The following ATRNL1 variants were observed in gnomAD, a reference collection of about 807,000 sequenced individuals.
The protein encoded by ATRNL1 is attractin like 1, also known as attractin-like protein 1.
In ATRNL1, 95 loss-of-function variants were observed where a neutral mutation model predicts 182.7. The observed-to-expected ratio is 0.52, with a 90% CI of 0.44 to 0.62. The LOEUF is 0.62. ATRNL1 is among the 20% of genes least tolerant of loss of function. The pLI is 0.00. For missense variants in ATRNL1, 1,471 were observed against 1,679.5 expected, an observed-to-expected ratio of 0.88 and a Z score of 2.17; for synonymous variants, 576 against 568.3, an observed-to-expected ratio of 1.01 and a Z score of -0.19.
At chr10:115,104,946 G>T (rs1843936823) in intron 1 of ATRNL1, among the ~76,000 whole-genome samples, 1 of 151,302 alleles carries the variant, frequency 6.6e-6, no homozygotes, top group Admixed American at 6.6e-5. Flanking sequence ...ATGCTGCTTT[G>T]GTTACTATAG....
At chr10:115,901,126 C>T (rs1952339007) in intron 28 of ATRNL1, among the ~76,000 whole-genome samples, 1 of 152,166 alleles carries the variant, frequency 6.6e-6, no homozygotes, top group Non-Finnish European at 1.5e-5. Flanking sequence ...ATATTAATGT[C>T]ATCATTCTCT....
intron 26 of ATRNL1, among the ~76,000 whole-genome samples, chr10:115,615,471 T>C (rs1592951108): frequency 6.6e-6 from 1 of 152,262 alleles, no homozygotes; most frequent in Admixed American, 6.5e-5. Flanking sequence ...GTGTACAGTT[T>C]CTGTTGAGAA....
intron 5 of ATRNL1, among the ~76,000 whole-genome samples, chr10:115,144,549 G>T (rs1043906792): frequency 6.6e-6 from 1 of 152,016 alleles, no homozygotes; most frequent in East Asian, 1.9e-4. Flanking sequence ...CGCCTTAGCC[G>T]CCCAAAATGC....
At chr10:115,340,656 C>T (rs1385890901) in intron 19 of ATRNL1, among the ~76,000 whole-genome samples, 1 of 151,458 alleles carries the variant, frequency 6.6e-6, no homozygotes, top group South Asian at 2.1e-4. Flanking sequence ...CCATCAGACC[C>T]CAGGCTTTTC....
intron 21 of ATRNL1, among the ~76,000 whole-genome samples, chr10:115,461,024 T>C (rs1340593245): frequency 6.6e-6 from 1 of 152,080 alleles, no homozygotes; most frequent in Non-Finnish European, 1.5e-5. Flanking sequence ...ATATATAGGT[T>C]GAATCTTATA....
chr10:115,387,076 A>T (rs1858402619), intron 19 of ATRNL1, among the ~76,000 whole-genome samples: 1 of 142,906 alleles, frequency 7.0e-6, no homozygotes, highest in Non-Finnish European at 1.6e-5. Context: ...ACCATGGAAT[A>T]CTATGAAGCC....
chr10:115,943,780 G>A (rs1307681051), intron 28 of ATRNL1, among the ~76,000 whole-genome samples: 1 of 152,102 alleles, frequency 6.6e-6, no homozygotes, highest in East Asian at 1.9e-4. Context: ...GGACAATCAA[G>A]ATGTCCTTCA....
At chr10:115,404,448 T>C (rs1477594613) in intron 20 of ATRNL1, among the ~76,000 whole-genome samples, 1 of 152,180 alleles carries the variant, frequency 6.6e-6, no homozygotes, top group African/African-American at 2.4e-5. Flanking sequence ...GAGAGGAAGA[T>C]GAGGATCTGA....
At chr10:115,294,027 G>A (rs1470551485) in intron 15 of ATRNL1, among the ~76,000 whole-genome samples, 4 of 152,206 alleles carry the variant, frequency 2.6e-5, no homozygotes, top group Admixed American at 2.6e-4. Flanking sequence ...AAGTTTTCAA[G>A]TGATTTATTA....
chr10:115,109,692 C>A (rs1384586350), intron 1 of ATRNL1, among the ~76,000 whole-genome samples: 1 of 152,246 alleles, frequency 6.6e-6, no homozygotes, highest in East Asian at 1.9e-4. Context: ...TTTGCAATAT[C>A]TCTTTCCTCC....
chr10:115,573,144 A>T (rs1854503992), intron 26 of ATRNL1, among the ~76,000 whole-genome samples: 1 of 152,144 alleles, frequency 6.6e-6, no homozygotes, highest in Admixed American at 6.5e-5. Context: ...ATTGGATCAC[A>T]TGTGGGCTCA....
chr10:115,122,772 A>G (rs1233364713), intron 3 of ATRNL1, among the ~76,000 whole-genome samples: 2 of 152,192 alleles, frequency 1.3e-5, no homozygotes, highest in East Asian at 1.9e-4. Context: ...TGATATTGCT[A>G]TTGCTTACAT....
chr10:115,234,217 A>G (rs1349766949), intron 9 of ATRNL1, among the ~76,000 whole-genome samples: 2 of 152,142 alleles, frequency 1.3e-5, no homozygotes, highest in Non-Finnish European at 2.9e-5. Context: ...ATATATTTAA[A>G]GGAATTTATC....
intron 27 of ATRNL1, among the ~76,000 whole-genome samples, chr10:115,810,107 A>C (rs1207884613): frequency 6.6e-6 from 1 of 151,842 alleles, no homozygotes; most frequent in African/African-American, 2.4e-5. Flanking sequence ...TGTTTTTCCA[A>C]TGTCAAATTG....
chr10:115,369,446 G>A (rs1043510759), intron 19 of ATRNL1, among the ~76,000 whole-genome samples: 4 of 152,060 alleles, frequency 2.6e-5, no homozygotes, highest in African/African-American at 9.7e-5. Context: ...TGAATGAGTT[G>A]ATCACTTTTG....
intron 1 of ATRNL1, among the ~76,000 whole-genome samples, chr10:115,111,560 AG>A (rs1343807037): frequency 6.6e-6 from 1 of 152,118 alleles, no homozygotes; most frequent in Non-Finnish European, 1.5e-5. Flanking sequence ...GGGAGCGGCC[AG>A]GCCCTTTTTC....
At chr10:115,351,370 C>G (rs879966598) in intron 19 of ATRNL1, among the ~76,000 whole-genome samples, 6 of 151,824 alleles carry the variant, frequency 4.0e-5, no homozygotes, top group Admixed American at 2.0e-4. Flanking sequence ...CAGTATGATG[C>G]CAGTGGTGGG....
chr10:115,732,345 C>A (rs1345460983), intron 27 of ATRNL1, among the ~76,000 whole-genome samples: 1 of 152,130 alleles, frequency 6.6e-6, no homozygotes, highest in African/African-American at 2.4e-5. Context: ...TTTATCTATT[C>A]TTATGACAGT....
chr10:115,119,342 ATG>A (rs138144661), intron 1 of ATRNL1, among the ~76,000 whole-genome samples: 1 of 151,648 alleles, frequency 6.6e-6, no homozygotes, highest in Non-Finnish European at 1.5e-5. Flanking sequence ...TGATATGTAT[ATG>A]TGTGTGTGTG....
Sources: allele counts gnomAD v4.1 joint callset (sites outside exome capture counted in the v4.1 genomes callset), GRCh38; gene constraint gnomAD v4.1.1; transcripts MANE v1.5; gene names NCBI Gene and HGNC (gene_info 2026-07-23, HGNC 2026-07-21).